The following CADPS2 variants were observed in gnomAD, a reference collection of about 807,000 sequenced individuals.
CADPS2 encodes calcium-dependent secretion activator 2.
In CADPS2, 93 loss-of-function variants were observed where a neutral mutation model predicts 172.5. The observed-to-expected ratio is 0.54, with a 90% confidence interval of 0.46 to 0.64. The LOEUF (loss-of-function observed/expected upper bound fraction) is 0.64. CADPS2 is among the 30% of genes least tolerant of loss of function. The probability of loss-of-function intolerance (pLI) is 0.00; values close to 1 mark genes in which losing one functional copy is unlikely to be tolerated. For synonymous variants in CADPS2, 546 were observed against 555.2 expected (o/e 0.98, Z 0.23); for missense variants, 1,420 against 1,565.9 (o/e 0.91, Z 1.57).
chr7:122,551,923 G>A (rs911972436), intron 8 of CADPS2, among the ~76,000 whole-genome samples: 1 of 152,154 alleles, frequency 6.6e-6, no homozygotes, highest in African/African-American at 2.4e-5. Flanking sequence ...ATTAAGTGCA[G>A]TAAAATCCAT....
At chr7:122,704,080 G>A (rs1444204062) in intron 2 of CADPS2, among the ~76,000 whole-genome samples, 1 of 152,016 alleles carries the variant, frequency 6.6e-6, no homozygotes, top group Non-Finnish European at 1.5e-5. Flanking sequence ...ATGCCACAAA[G>A]TCCTAGGGAT....
intron 1 of CADPS2, among the ~76,000 whole-genome samples, chr7:122,840,506 A>T (rs1810133039): frequency 6.6e-6 from 1 of 152,026 alleles, no homozygotes; most frequent in African/African-American, 2.4e-5. Context: ...ATCTCATTAA[A>T]TAAATTGTGA....
chr7:122,590,034 T>C (rs1563792233), intron 6 of CADPS2, among the ~76,000 whole-genome samples: 1 of 151,850 alleles, frequency 6.6e-6, no homozygotes, highest in Non-Finnish European at 1.5e-5. Context: ...ATGTTTGCAC[T>C]ATGCAAAATG....
chr7:122,459,228 A>G (rs2054159681), intron 14 of CADPS2, among the ~76,000 whole-genome samples: 1 of 151,918 alleles, frequency 6.6e-6, no homozygotes, highest in Non-Finnish European at 1.5e-5. Flanking sequence ...TTATATTTCA[A>G]TATATGGATG....
intron 4 of CADPS2, among the ~76,000 whole-genome samples, chr7:122,622,242 A>G (rs1390494656): frequency 2.0e-5 from 3 of 152,220 alleles, no homozygotes; most frequent in East Asian, 1.9e-4. Flanking sequence ...TGATATGGTC[A>G]TATTTCTAAA....
chr7:122,726,548 T>TA (rs911814804), intron 2 of CADPS2, among the ~76,000 whole-genome samples: 3 of 151,870 alleles, frequency 2.0e-5, no homozygotes, highest in East Asian at 3.9e-4. Context: ...AATAAAGCTC[T>TA]AAAATAGAAG....
intron 1 of CADPS2, among the ~76,000 whole-genome samples, chr7:122,822,751 TTCCTGGCTCA>T (rs1803718418): frequency 6.6e-6 from 1 of 152,006 alleles, no homozygotes; most frequent in Non-Finnish European, 1.5e-5. Flanking sequence ...GAAAGTCCTT[TTCCTGGCTCA>T]TCCTGGCTCA....
At chr7:122,663,175 A>G (rs1397120019) in intron 3 of CADPS2, 62 bp downstream of exon 3, 31 of 1,224,932 alleles carry the variant, frequency 2.5e-5, no homozygotes, top group Non-Finnish European at 3.0e-5. Flanking sequence ...ATAGGCTTGT[A>G]AATACTTCAT....
chr7:122,489,060 T>C (rs2058076165), intron 11 of CADPS2, among the ~76,000 whole-genome samples: 1 of 152,138 alleles, frequency 6.6e-6, no homozygotes, highest in Non-Finnish European at 1.5e-5. Context: ...AAATTTTAAA[T>C]CAATGAAAAA....
At chr7:122,761,477 A>G (rs1389064920) in intron 1 of CADPS2, among the ~76,000 whole-genome samples, 1 of 152,180 alleles carries the variant, frequency 6.6e-6, no homozygotes, top group African/African-American at 2.4e-5. Context: ...TAACTCTTAC[A>G]AAGTGTGCAT....
At chr7:122,623,288 A>G (rs554254972) in intron 4 of CADPS2, among the ~76,000 whole-genome samples, 2 of 152,172 alleles carry the variant, frequency 1.3e-5, no homozygotes, top group Non-Finnish European at 2.9e-5. Context: ...AGTACAAGCA[A>G]AGAGAGGGGA....
At chr7:122,803,617 C>T (rs1294965573) in intron 1 of CADPS2, among the ~76,000 whole-genome samples, 2 of 152,108 alleles carry the variant, frequency 1.3e-5, no homozygotes, top group Non-Finnish European at 1.5e-5. Context: ...TCATTGGTCT[C>T]TTCAACCAAA....
At chr7:122,792,566 T>G (rs1795512589) in intron 1 of CADPS2, among the ~76,000 whole-genome samples, 1 of 152,146 alleles carries the variant, frequency 6.6e-6, no homozygotes, top group African/African-American at 2.4e-5. Flanking sequence ...TTGAACAGAC[T>G]AAGACACTAT....
intron 9 of CADPS2, among the ~76,000 whole-genome samples, chr7:122,500,992 T>C (rs2059150499): frequency 1.3e-5 from 2 of 152,172 alleles, no homozygotes; most frequent in Admixed American, 1.3e-4. Context: ...CAGTGGCTTG[T>C]ACCTGGAATC....
intron 1 of CADPS2, among the ~76,000 whole-genome samples, chr7:122,817,770 G>T (rs969921089): frequency 4.0e-5 from 6 of 151,848 alleles, no homozygotes; most frequent in African/African-American, 1.5e-4. Context: ...TTTCTAGAGG[G>T]GCAATTACCC....
At chr7:122,869,435 A>G (rs1819169396) in intron 1 of CADPS2, among the ~76,000 whole-genome samples, 1 of 152,076 alleles carries the variant, frequency 6.6e-6, no homozygotes, top group South Asian at 2.1e-4. Flanking sequence ...ATATTCAAAG[A>G]GCTAAAAGAA....
At chr7:122,552,352 T>C (rs1252103136) in intron 8 of CADPS2, among the ~76,000 whole-genome samples, 1 of 152,154 alleles carries the variant, frequency 6.6e-6, no homozygotes, top group Non-Finnish European at 1.5e-5. Context: ...GTTAGATAAT[T>C]GGGCTATGAG....
rs560634030 is a variant in CADPS2 at position 122,535,450 on chromosome 7, T to C, written c.1475+19100A>G. ...GATGTCAGAGATGTAAGAAGTCATA[T>C]GTTTGGATCAGCTTGCTAATTAGAG... On this transcript the variant is annotated intron_variant, in intron 8 of 29. Coordinates refer to ENST00000449022, the MANE Select transcript of CADPS2 (RefSeq NM_017954.11). Among the ~76,000 whole-genome samples, 6 of 152,224 alleles carry C rather than the reference T, an allele frequency of 3.9e-5. No individual in the cohort carries two copies. In the South Asian group the frequency reaches 8.3e-4, roughly 21 times the overall value.
intron 1 of CADPS2, among the ~76,000 whole-genome samples, chr7:122,799,500 G>T (rs1472069389): frequency 3.3e-5 from 5 of 151,814 alleles, no homozygotes; most frequent in Non-Finnish European, 7.4e-5. Flanking sequence ...CTACTTGGGA[G>T]GCTGAGGCGG....
Sources: gnomAD v4.1 joint callset for allele counts (sites outside exome capture counted in the v4.1 genomes callset) on GRCh38, gnomAD v4.1.1 for gene constraint, MANE v1.5 for transcripts, NCBI Gene and HGNC (gene_info 2026-07-23, HGNC 2026-07-21) for gene names.